The following CMSS1 variants were observed in gnomAD, a reference collection of about 807,000 sequenced individuals.
The protein encoded by CMSS1 is cms1 ribosomal small subunit homolog, also known as protein CMSS1.
CMSS1 carries 33 observed loss-of-function variants against 43.5 expected under a neutral mutation model. The observed-to-expected ratio is 0.76, with a 90% CI of 0.57 to 1.01. CMSS1 has a LOEUF of 1.01. CMSS1 is among the 50% of genes least tolerant of loss of function. CMSS1 has a pLI of 0.00. For synonymous variants in CMSS1, 115 were observed against 117.2 expected (o/e 0.98, Z 0.12); for missense variants, 313 against 326.4 (o/e 0.96, Z 0.32).
At chr3:99,913,408 ATC>A (rs1303366036) in intron 1 of CMSS1, among the ~76,000 whole-genome samples, 12 of 152,234 alleles carry the variant, frequency 7.9e-5, no homozygotes, top group Non-Finnish European at 1.8e-4. Context: ...ATGAAGTGGT[ATC>A]TCTCTGTTAC....
At chr3:99,924,591 TCA>T (rs1343311196) in intron 1 of CMSS1, among the ~76,000 whole-genome samples, 1 of 152,260 alleles carries the variant, frequency 6.6e-6, no homozygotes, top group Non-Finnish European at 1.5e-5. Context: ...CGATCTCGAC[TCA>T]CTGCAACTTC....
chr3:99,897,369 C>CAA (rs200872436), intron 1 of CMSS1, among the ~76,000 whole-genome samples: 2 of 134,288 alleles, frequency 1.5e-5, no homozygotes, highest in Non-Finnish European at 3.2e-5. Context: ...GACTTTGTCT[C>CAA]AAAAAAAAAA....
intron 1 of CMSS1, among the ~76,000 whole-genome samples, chr3:99,996,556 C>T (rs1349154821): frequency 6.6e-6 from 1 of 152,148 alleles, no homozygotes; most frequent in East Asian, 1.9e-4. Flanking sequence ...CTGTATTAGT[C>T]AGTTTTCATG....
intron 1 of CMSS1, among the ~76,000 whole-genome samples, chr3:99,886,656 A>T (rs955033217): frequency 3.3e-5 from 5 of 152,186 alleles, no homozygotes; most frequent in Non-Finnish European, 1.5e-5. Context: ...AGAATATTTT[A>T]AAAATATCAG....
At chr3:99,891,073 G>C (rs1029600766) in intron 1 of CMSS1, among the ~76,000 whole-genome samples, 2 of 149,574 alleles carry the variant, frequency 1.3e-5, no homozygotes, top group African/African-American at 4.9e-5. Context: ...TTTTTTTTCA[G>C]ACCACCCAGT....
At chr3:99,969,514 G>C (rs1265967616) in intron 1 of CMSS1, among the ~76,000 whole-genome samples, 1 of 152,164 alleles carries the variant, frequency 6.6e-6, no homozygotes, top group African/African-American at 2.4e-5. Flanking sequence ...CGTTTGAATT[G>C]ATTCTAAAGA....
intron 1 of CMSS1, among the ~76,000 whole-genome samples, chr3:99,905,576 C>A (rs1249315916): frequency 2.0e-5 from 3 of 152,146 alleles, no homozygotes; most frequent in Non-Finnish European, 4.4e-5. Flanking sequence ...TAAATGTGCA[C>A]AAATATTAAG....
At chr3:99,856,416 T>G (rs1455849796) in intron 1 of CMSS1, among the ~76,000 whole-genome samples, 1 of 152,222 alleles carries the variant, frequency 6.6e-6, no homozygotes, top group Admixed American at 6.5e-5. Flanking sequence ...AAGACTATTG[T>G]CTTGGAGTAC....
intron 1 of CMSS1, among the ~76,000 whole-genome samples, chr3:99,986,664 G>A (rs1319685488): frequency 6.6e-6 from 1 of 152,124 alleles, no homozygotes; most frequent in Non-Finnish European, 1.5e-5. Flanking sequence ...GTGGTGATGG[G>A]TGTGGGCCTA....
At chr3:99,931,601 A>G (rs1320895898) in intron 1 of CMSS1, among the ~76,000 whole-genome samples, 1 of 152,180 alleles carries the variant, frequency 6.6e-6, no homozygotes, top group Non-Finnish European at 1.5e-5. Context: ...GTCTAGTATT[A>G]AAGGAATGAA....
intron 2 of CMSS1, among the ~76,000 whole-genome samples, chr3:100,153,445 G>A (rs1230896778): frequency 6.6e-6 from 1 of 152,200 alleles, no homozygotes; most frequent in African/African-American, 2.4e-5. Flanking sequence ...CATAGACAGG[G>A]TGGCTGAAAC....
intron 1 of CMSS1, among the ~76,000 whole-genome samples, chr3:99,995,304 TCTC>T: frequency 6.6e-6 from 1 of 152,148 alleles, no homozygotes. Flanking sequence ...TCCAAAATGA[TCTC>T]CTTTATCCCC....
intron 1 of CMSS1, among the ~76,000 whole-genome samples, chr3:100,032,172 T>C (rs1009358736): frequency 6.6e-6 from 1 of 152,176 alleles, no homozygotes; most frequent in Non-Finnish European, 1.5e-5. Flanking sequence ...TAAAATATGA[T>C]ACTTGAAAGA....
In CMSS1 at chr3:100,033,082, G is replaced by A. The variant is rs550482728; in HGVS notation, c.65-113891G>A. Among the ~76,000 whole-genome samples, 33 of 151,800 alleles carry A rather than the reference G, an allele frequency of 2.2e-4. No individual in the cohort carries two copies. In the South Asian group the frequency reaches 6.7e-3, roughly 31 times the overall value. On this transcript the variant is annotated intron_variant, in intron 1 of 9. Coordinates refer to ENST00000421999, the MANE Select transcript of CMSS1 (RefSeq NM_032359.4). ...GTAACCAAAAAAAAAAAAGAATTCA[G>A]GAAAACTATCTTCAACTATATTGCT...
intron 1 of CMSS1, among the ~76,000 whole-genome samples, chr3:99,882,311 G>T (rs542815040): frequency 2.6e-5 from 4 of 152,238 alleles, no homozygotes; most frequent in African/African-American, 9.6e-5. Flanking sequence ...GCTTCTAATT[G>T]TAAAATCCTT....
At position 100,078,371 on chromosome 3, in the gene CMSS1, C is replaced by T. The variant is rs146157706; in HGVS notation, c.65-68602C>T. 4.7e-3 allele frequency among the ~76,000 whole-genome samples: 708 copies of T among 152,192 alleles called. 2 individuals carry two copies. The highest frequency in any genetic ancestry group is 7.1e-3 in the South Asian group (34 of 4,822). The stretch of plus-strand genomic sequence containing the variant: ...TCTGTTACAGTTCTTACATGTAGAA[C>T]GATGACATAACACATATGTAATATA... On this transcript the variant is annotated intron_variant, in intron 1 of 9. Transcript: ENST00000421999.
chr3:100,105,426 G>A (rs150186112), intron 1 of CMSS1, among the ~76,000 whole-genome samples: 25 of 152,076 alleles, frequency 1.6e-4, no homozygotes, highest in African/African-American at 4.1e-4. Flanking sequence ...ACTGCAATTC[G>A]TATCTAACAA....
intron 1 of CMSS1, among the ~76,000 whole-genome samples, chr3:100,104,818 A>G (rs774355809): frequency 6.6e-6 from 1 of 152,144 alleles, no homozygotes; most frequent in Non-Finnish European, 1.5e-5. Context: ...CCTTACCCCC[A>G]AAACTGGCTG....
At chr3:99,901,065 G>T (rs140830742) in intron 1 of CMSS1, among the ~76,000 whole-genome samples, 81 of 152,300 alleles carry the variant, frequency 5.3e-4, no homozygotes, top group African/African-American at 1.9e-3. Context: ...ATAACATTTG[G>T]TGTGGAATTT....
Sources: gnomAD v4.1 joint callset for allele counts (sites outside exome capture counted in the v4.1 genomes callset) on GRCh38, gnomAD v4.1.1 for gene constraint, MANE v1.5 for transcripts, NCBI Gene and HGNC (gene_info 2026-07-23, HGNC 2026-07-21) for gene names.